Variants in VPS13B observed in about 807,000 individuals in gnomAD.
VPS13B encodes intermembrane lipid transfer protein VPS13B.
VPS13B carries 285 observed loss-of-function variants against 426.4 expected under a neutral mutation model. The observed-to-expected ratio is 0.67, with a 90% CI of 0.61 to 0.74. VPS13B has a LOEUF of 0.74. Among genes scored for constraint, VPS13B ranks in the 30% least tolerant of loss-of-function variants. The probability of loss-of-function intolerance (pLI) is 0.00; values close to 1 mark genes in which losing one functional copy is unlikely to be tolerated. For missense variants in VPS13B, 4,537 were observed against 4,782.6 expected, an observed-to-expected ratio of 0.95 and a Z score of 1.51; for synonymous variants, 1,676 against 1,676.4, an observed-to-expected ratio of 1.00 and a Z score of 0.01.
chr8:99,526,481 G>A (rs1045857548), intron 30 of VPS13B, among the ~76,000 whole-genome samples: 3 of 152,200 alleles, frequency 2.0e-5, no homozygotes, highest in Admixed American at 6.5e-5. Context: ...GTTAGTAGCT[G>A]TGGAGGTGGT....
chr8:99,281,775 G>T (rs906415196), intron 19 of VPS13B, among the ~76,000 whole-genome samples: 2 of 152,100 alleles, frequency 1.3e-5, no homozygotes, highest in African/African-American at 4.8e-5. Flanking sequence ...GTCGTTTCTT[G>T]GTTTTCCTTG....
At chr8:99,708,772 A>T (rs1832589195) in intron 36 of VPS13B, among the ~76,000 whole-genome samples, 1 of 152,064 alleles carries the variant, frequency 6.6e-6, no homozygotes. Context: ...TTTGTCCCAC[A>T]TATCATTTCT....
intron 39 of VPS13B, among the ~76,000 whole-genome samples, chr8:99,721,568 C>T (rs777492824): frequency 3.3e-5 from 5 of 152,068 alleles, no homozygotes; most frequent in Admixed American, 6.5e-5. Context: ...CTTGTTATTC[C>T]GAGTTTAATA....
chr8:99,130,715 C>T (rs2132544184), intron 8 of VPS13B, among the ~76,000 whole-genome samples: 1 of 152,080 alleles, frequency 6.6e-6, no homozygotes, highest in Non-Finnish European at 1.5e-5. Flanking sequence ...TGCTTTTTCT[C>T]TATAATAATT....
chr8:99,514,571 A>G (rs916304291), intron 29 of VPS13B, among the ~76,000 whole-genome samples: 3 of 152,196 alleles, frequency 2.0e-5, no homozygotes, highest in Non-Finnish European at 4.4e-5. Flanking sequence ...TACTTAGCAT[A>G]ATGTTTTCAA....
intron 3 of VPS13B, among the ~76,000 whole-genome samples, chr8:99,080,294 T>C (rs942024883): frequency 4.6e-5 from 7 of 151,996 alleles, no homozygotes; most frequent in African/African-American, 1.7e-4. Context: ...CTTTTGTATT[T>C]TTTGCTTTTT....
intron 4 of VPS13B, among the ~76,000 whole-genome samples, chr8:99,102,614 A>G (rs1050617688): frequency 6.6e-6 from 1 of 152,198 alleles, no homozygotes; most frequent in Admixed American, 6.5e-5. Context: ...ATATAATACA[A>G]TAAGCAAAAA....
At chr8:99,248,331 A>G (rs6468675) in intron 17 of VPS13B, among the ~76,000 whole-genome samples, 123,177 of 152,030 alleles carry the variant, frequency 0.81, 50,330 homozygotes, top group South Asian at 0.89. Context: ...ATTTCTTTCA[A>G]TGTATACATA....
chr8:99,641,060 T>C (rs1436070975), intron 33 of VPS13B, among the ~76,000 whole-genome samples: 1 of 152,192 alleles, frequency 6.6e-6, no homozygotes, highest in African/African-American at 2.4e-5. Context: ...TTATAACTCT[T>C]GCTGCCACCA....
intron 2 of VPS13B, among the ~76,000 whole-genome samples, chr8:99,016,864 C>T (rs746575605): frequency 3.3e-5 from 5 of 152,100 alleles, no homozygotes; most frequent in Non-Finnish European, 2.9e-5. Context: ...TGATGGGTTA[C>T]AGGCATGAGC....
At chr8:99,659,448 T>G (rs1830140808) in intron 34 of VPS13B, among the ~76,000 whole-genome samples, 1 of 152,174 alleles carries the variant, frequency 6.6e-6, no homozygotes, top group Non-Finnish European at 1.5e-5. Flanking sequence ...CACAAAAGTT[T>G]TGTGTGGTCA....
intron 29 of VPS13B, among the ~76,000 whole-genome samples, chr8:99,512,756 T>TCCCAACA (rs1379601360): frequency 6.6e-6 from 1 of 152,178 alleles, no homozygotes; most frequent in Non-Finnish European, 1.5e-5. Flanking sequence ...ACGCCTGTAA[T>TCCCAACA]CCCAACACTT....
chr8:99,394,551 C>T (rs1366148616), intron 21 of VPS13B, among the ~76,000 whole-genome samples: 1 of 152,154 alleles, frequency 6.6e-6, no homozygotes, highest in Non-Finnish European at 1.5e-5. Context: ...AATCTATTAT[C>T]ACAGAATTCT....
rs535996134 is a variant in VPS13B at position 99,574,342 on chromosome 8, A to G, written c.4950-1316A>G. On this transcript the variant is annotated intron_variant, in intron 31 of 61. Transcript: ENST00000357162. ...GCCAGAACTTCCAACACTATGTTGAATAGGAGTGGTGAGAGAGGGCATTCC... is the reference window on the plus strand; with the variant it reads ...GCCAGAACTTCCAACACTATGTTGAGTAGGAGTGGTGAGAGAGGGCATTCC... 3.3e-4 allele frequency among the ~76,000 whole-genome samples: 50 copies of G among 152,284 alleles called. No homozygotes were observed. In the South Asian group the frequency reaches 9.1e-3, roughly 28 times the overall value.
intron 3 of VPS13B, among the ~76,000 whole-genome samples, chr8:99,086,805 T>G (rs1845835127): frequency 6.6e-6 from 1 of 152,168 alleles, no homozygotes; most frequent in African/African-American, 2.4e-5. Context: ...GCTGCCTGAT[T>G]GTTCCTCTGG....
intron 17 of VPS13B, among the ~76,000 whole-genome samples, chr8:99,266,266 C>T (rs1346013211): frequency 6.6e-6 from 1 of 150,822 alleles, no homozygotes; most frequent in South Asian, 2.1e-4. Context: ...AAAAAAAAAA[C>T]AGGTGTGATA....
chr8:99,013,619 A>G, intron 1 of VPS13B, 141 bp from the exon 2 acceptor site: 1 of 704,310 alleles, frequency 1.4e-6, no homozygotes, highest in Non-Finnish European at 2.4e-6. Context: ...TGGAGCTGGG[A>G]GTCCGCTGGA....
intron 20 of VPS13B, among the ~76,000 whole-genome samples, chr8:99,388,649 A>G (rs545692874): frequency 3.8e-4 from 58 of 152,350 alleles, no homozygotes; most frequent in Admixed American, 7.2e-4. Context: ...CAAGGTAGCC[A>G]TATTTCTAGA....
At chr8:99,465,195 A>T (rs1176504623) in intron 23 of VPS13B, among the ~76,000 whole-genome samples, 1 of 152,124 alleles carries the variant, frequency 6.6e-6, no homozygotes, top group Non-Finnish European at 1.5e-5. Flanking sequence ...TTATTTTGCC[A>T]GTATTATAAG....
Sources: allele counts gnomAD v4.1 joint callset (sites outside exome capture counted in the v4.1 genomes callset), GRCh38; gene constraint gnomAD v4.1.1; transcripts MANE v1.5; gene names NCBI Gene and HGNC (gene_info 2026-07-23, HGNC 2026-07-21).